Variants in VDAC3 observed in about 807,000 individuals in gnomAD.
VDAC3 encodes the protein voltage dependent anion channel 3.
A neutral mutation model predicts 33.9 loss-of-function variants in VDAC3; 7 were observed. The ratio of observed to expected loss-of-function variants is 0.21; its 90% CI spans 0.12 to 0.39. VDAC3 has a LOEUF of 0.39. Among genes scored for constraint, VDAC3 ranks in the 10% least tolerant of loss-of-function variants. The pLI is 1.00. For missense variants in VDAC3, 261 were observed against 334.5 expected (o/e 0.78, Z 1.71); for synonymous variants, 100 against 122.4 (o/e 0.82, Z 1.21).
At chr8:42,402,487 G>A (rs1260512913) in intron 7 of VDAC3, among the ~76,000 whole-genome samples, 5 of 152,172 alleles carry the variant, frequency 3.3e-5, no homozygotes, top group African/African-American at 4.8e-5. Context: ...CCCAGGTACC[G>A]CTAATGCATT....
In VDAC3 at chr8:42,404,498, G is replaced by T; in HGVS notation, c.703-369G>T. Among the ~76,000 whole-genome samples, 2 of 151,878 alleles carry T rather than the reference G, an allele frequency of 1.3e-5. 1 individual carries two copies. Among genetic ancestry groups the T allele is most frequent in the Admixed American group, 1.3e-4 (2 of 15,246 alleles). Reference sequence around the variant, plus strand: ...CAGCACTTTGGGAGGCTGAGGCAGGGGATCACCTGAGGTCAGGAGTTTGAG... The same window carrying T: ...CAGCACTTTGGGAGGCTGAGGCAGGTGATCACCTGAGGTCAGGAGTTTGAG... On this transcript the variant is annotated intron_variant, in intron 8 of 9. Transcript: ENST00000022615.
At chr8:42,405,054 GACAGAAAACAAT>G in intron 9 of VDAC3, 130 bp downstream of exon 9, 1 of 839,868 alleles carries the variant, frequency 1.2e-6, no homozygotes, top group Admixed American at 2.5e-5. Context: ...TGGTTGTTCA[GACAGAAAACAAT>G]ACAGATCAAA....
intron 4 of VDAC3, among the ~76,000 whole-genome samples, chr8:42,395,907 C>T (rs186575160): frequency 4.8e-4 from 70 of 146,518 alleles, no homozygotes; most frequent in African/African-American, 1.7e-3. Flanking sequence ...TTCAGTGAGC[C>T]GAGACCAAGC....
rs1802280932 is a variant in VDAC3, at chr8:42,395,072, G to T, written c.68-12G>T. Reference sequence around the variant, plus strand: ...TGTACATTACTGTGTTTTTGTGTGTGTGTGTGTATAGGCTTTGGCATGGTC... The same window carrying T: ...TGTACATTACTGTGTTTTTGTGTGTTTGTGTGTATAGGCTTTGGCATGGTC... On this transcript the variant is annotated splice_polypyrimidine_tract_variant and intron_variant, in intron 3 of 9. Transcript: ENST00000022615. 6.2e-7 allele frequency: 1 copy of T among 1,613,802 alleles called. No homozygotes were observed. Among genetic ancestry groups the T allele is most frequent in the Non-Finnish European group, 8.5e-7 (1 of 1,179,944 alleles).
At chr8:42,397,370 G>T (rs1206789009) in intron 4 of VDAC3, 1 of 152,118 alleles carries the variant, frequency 6.6e-6, no homozygotes, top group Admixed American at 6.6e-5. Context: ...CTTCCCAGTT[G>T]TCTCATCTGC....
chr8:42,395,056 C>A (rs752635640), intron 3 of VDAC3, 28 bp from the exon 4 acceptor site: 1 of 1,612,736 alleles, frequency 6.2e-7, no homozygotes, highest in East Asian at 2.2e-5. Flanking sequence ...TTGTACATTA[C>A]TGTGTTTTTG....
intron 8 of VDAC3, 145 bp from the exon 9 acceptor site, chr8:42,404,722 C>CAA (rs878902511): frequency 0.031 from 10,905 of 352,850 alleles, 880 homozygotes; most frequent in African/African-American, 0.26. Context: ...AACTTCATCT[C>CAA]AAAAAAAAAA....
chr8:42,399,549 C>G (rs945289310), intron 5 of VDAC3, 102 bp from the exon 6 acceptor site: 9 of 1,115,764 alleles, frequency 8.1e-6, no homozygotes, highest in Non-Finnish European at 1.0e-5. Context: ...TGAATGACTC[C>G]TTTTTTTTGT....
chr8:42,395,851 C>G (rs969842852), intron 4 of VDAC3, among the ~76,000 whole-genome samples: 1 of 150,346 alleles, frequency 6.7e-6, no homozygotes, highest in South Asian at 2.1e-4. Flanking sequence ...CCCAGCTACT[C>G]GGGAGGCTGA....
intron 3 of VDAC3, among the ~76,000 whole-genome samples, chr8:42,394,757 A>G (rs1037592887): frequency 2.0e-5 from 3 of 152,174 alleles, no homozygotes; most frequent in African/African-American, 7.2e-5. Flanking sequence ...CTTATTAACT[A>G]GTAATGTTAA....
Position 42,400,673 on chromosome 8 carries a change from CTTTTTTTTTT to C in VDAC3, c.323+985_323+994del, listed in dbSNP as rs1188886241. ...TTATCTTTAGGACAAATATTCTTTTCTTTTTTTTTTTTTTTTTTTTTTTTGAGATGGAGTC... is the reference window on the plus strand; with the variant it reads ...TTATCTTTAGGACAAATATTCTTTTCTTTTTTTTTTTTTTGAGATGGAGTC... On this transcript the variant is annotated intron_variant, in intron 6 of 9. Coordinates refer to ENST00000022615, the MANE Select transcript of VDAC3 (RefSeq NM_005662.7). Among the ~76,000 whole-genome samples the C allele has an allele frequency of 8.3e-5, 6 of 72,310 alleles. No individual in the cohort carries two copies. The East Asian group carries it at 2.4e-3, about 29-fold the overall frequency. The allele number at this position is 72,310 out of a possible 152,430, so 47.4% of individuals were successfully genotyped here.
rs1230868446 is a variant in VDAC3 at position 42,393,861 on chromosome 8, GA to G, written c.-25del. On this transcript the variant is annotated 5_prime_UTR_variant, in exon 2 of 10. Transcript: ENST00000022615. Reference sequence around the variant, plus strand: ...CTTATACAGGTCTTTGGTTTCATAAGAGCCTGAGAGAGATTTTTCTAAGGTA... The same window carrying G: ...CTTATACAGGTCTTTGGTTTCATAAGGCCTGAGAGAGATTTTTCTAAGGTA... 2 of 420,372 alleles carry G rather than the reference GA, an allele frequency of 4.8e-6. No homozygotes were observed. The highest frequency in any genetic ancestry group is 8.4e-6 in the Non-Finnish European group (2 of 238,038). The allele number at this position is 420,372 out of a possible 1,614,324, so 26.0% of individuals were successfully genotyped here.
chr8:42,398,080 T>TA (rs1395401037), intron 4 of VDAC3, among the ~76,000 whole-genome samples: 1 of 152,240 alleles, frequency 6.6e-6, no homozygotes, highest in Non-Finnish European at 1.5e-5. Flanking sequence ...AGAGAACTGA[T>TA]AATCTTTTTT....
chr8:42,402,986 G>A (rs1802443368), intron 7 of VDAC3: 1 of 232,880 alleles, frequency 4.3e-6, no homozygotes, highest in African/African-American at 2.3e-5. Flanking sequence ...AAGTTTCTAA[G>A]TTCTATGAAC....
intron 6 of VDAC3, among the ~76,000 whole-genome samples, chr8:42,400,858 G>A (rs1159746116): frequency 1.3e-5 from 2 of 151,544 alleles, no homozygotes; most frequent in Non-Finnish European, 2.9e-5. Flanking sequence ...TAGAGACGGA[G>A]TTTTACCACG....
chr8:42,401,451 TCCC>T (rs1802413674), intron 6 of VDAC3, among the ~76,000 whole-genome samples: 1 of 152,234 alleles, frequency 6.6e-6, no homozygotes, highest in South Asian at 2.1e-4. Flanking sequence ...CACCTTGGCC[TCCC>T]AAAGTGCTGG....
intron 5 of VDAC3, 60 bp downstream of exon 5, chr8:42,398,924 A>T: frequency 6.3e-7 from 1 of 1,577,320 alleles, no homozygotes; most frequent in South Asian, 1.1e-5. Flanking sequence ...TTGAATGATG[A>T]ACATACCCCA....
intron 1 of VDAC3, among the ~76,000 whole-genome samples, chr8:42,392,182 C>G (rs1247270293): frequency 6.6e-6 from 1 of 152,214 alleles, no homozygotes; most frequent in Non-Finnish European, 1.5e-5. Context: ...GTGGACCGCA[C>G]TTTCCTCCCA....
At position 42,395,256 on chromosome 8, in the gene VDAC3, C is replaced by T. The variant is rs999171771; in HGVS notation, c.117+123C>T. ...TGTCTTCCCCACAGCTTTGTCCTCT[C>T]AGATTTTAAACAGCATTCTTAGCCA... On this transcript the variant is annotated intron_variant, in intron 4 of 9. Transcript: ENST00000022615. 4 of 1,433,986 alleles carry T rather than the reference C, an allele frequency of 2.8e-6. No homozygotes were observed. The African/African-American group carries it at 5.7e-5, about 20-fold the overall frequency. The allele number at this position is 1,433,986 out of a possible 1,614,324, so 88.8% of individuals were successfully genotyped here.
Sources: gnomAD v4.1 joint callset for allele counts (sites outside exome capture counted in the v4.1 genomes callset) on GRCh38, gnomAD v4.1.1 for gene constraint, MANE v1.5 for transcripts, NCBI Gene and HGNC (gene_info 2026-07-23, HGNC 2026-07-21) for gene names.